Variants in SLC25A37 observed in about 807,000 individuals in gnomAD.
SLC25A37 encodes mitoferrin-1.
A neutral mutation model predicts 31.0 loss-of-function variants in SLC25A37; 17 were observed. The observed-to-expected ratio is 0.55, with a 90% confidence interval of 0.38 to 0.82. The LOEUF is 0.82. Among genes scored for constraint, SLC25A37 ranks in the 40% least tolerant of loss-of-function variants. The probability of loss-of-function intolerance (pLI) is 0.00; values close to 1 mark genes in which losing one functional copy is unlikely to be tolerated. For synonymous variants in SLC25A37, 222 were observed against 193.0 expected, an observed-to-expected ratio of 1.15 and a Z score of -1.24; for missense variants, 404 against 465.8, an observed-to-expected ratio of 0.87 and a Z score of 1.22.
rs1801625133 is a variant in SLC25A37 at position 23,529,665 on chromosome 8, G to A, written c.210+453G>A. ...CCTCACCACGCTGGAGCTGAGAAAC[G>A]TGTGGCCCTGGCCCGGCCGCGCGCC... On this transcript the variant is annotated intron_variant, in intron 1 of 3. Coordinates refer to ENST00000519973, the MANE Select transcript of SLC25A37 (RefSeq NM_016612.4). This position sits in a 1 kb window ranked among gnomAD's most constrained non-coding sequence, Gnocchi z 4.1. 6.6e-6 allele frequency among the ~76,000 whole-genome samples: 1 copy of A among 152,214 alleles called. No homozygotes were observed. Among genetic ancestry groups the A allele is most frequent in the Admixed American group, 6.5e-5 (1 of 15,290 alleles).
chr8:23,551,694 C>G (rs1802229910), intron 1 of SLC25A37, among the ~76,000 whole-genome samples: 1 of 152,002 alleles, frequency 6.6e-6, no homozygotes, highest in African/African-American at 2.4e-5. Flanking sequence ...CCATTAGGAG[C>G]CCCACTTACA....
intron 3 of SLC25A37, among the ~76,000 whole-genome samples, chr8:23,569,508 T>C (rs1802764982): frequency 6.6e-6 from 1 of 152,202 alleles, no homozygotes; most frequent in African/African-American, 2.4e-5. Flanking sequence ...TCTTTAGGGC[T>C]AGTGTTCAAT....
chr8:23,533,716 C>T (rs557081165), intron 1 of SLC25A37, among the ~76,000 whole-genome samples: 21 of 152,322 alleles, frequency 1.4e-4, no homozygotes, highest in Admixed American at 1.0e-3. Context: ...TAGTACGGAA[C>T]CTTTTCTTGT....
intron 1 of SLC25A37, among the ~76,000 whole-genome samples, chr8:23,540,672 C>T (rs537338001): frequency 1.6e-4 from 24 of 152,150 alleles, no homozygotes; most frequent in Non-Finnish European, 2.8e-4. Flanking sequence ...GTTTTGAATT[C>T]GGACTAGTCG....
chr8:23,535,613 T>C (rs1209801834), intron 1 of SLC25A37, among the ~76,000 whole-genome samples: 1 of 152,182 alleles, frequency 6.6e-6, no homozygotes, highest in Non-Finnish European at 1.5e-5. Context: ...AAAGTGGGGA[T>C]ATGAATACTG....
chr8:23,543,482 A>G (rs1801953512), intron 1 of SLC25A37, among the ~76,000 whole-genome samples: 1 of 152,166 alleles, frequency 6.6e-6, no homozygotes. Flanking sequence ...AGGCCTTCAC[A>G]TTTACTCACC....
intron 1 of SLC25A37, among the ~76,000 whole-genome samples, chr8:23,551,833 C>T (rs186595156): frequency 2.0e-5 from 3 of 152,190 alleles, no homozygotes; most frequent in South Asian, 2.1e-4. Flanking sequence ...AGGTCCTGGG[C>T]CTATATATTC....
intron 2 of SLC25A37, chr8:23,566,603 G>T: frequency 3.4e-6 from 4 of 1,174,516 alleles, no homozygotes; most frequent in South Asian, 2.9e-5. Context: ...TTGTTATGTG[G>T]GTTTTCTTTT....
At position 23,529,346 on chromosome 8, in the gene SLC25A37, T is replaced by A; in HGVS notation, c.210+134T>A. ...TCCCCAGGACCGCGGCTGGCCGGGG[T>A]CGCCCCAGGAGCAGCTGCGCGCAGC... On this transcript the variant is annotated intron_variant, in intron 1 of 3. Transcript: ENST00000519973. This position sits in a 1 kb window ranked among gnomAD's most constrained non-coding sequence, Gnocchi z 4.1. 2.5e-6 allele frequency: 2 copies of A among 812,524 alleles called. No individual in the cohort carries two copies. The highest frequency in any genetic ancestry group is 2.3e-5 in the South Asian group (1 of 44,442). The allele number at this position is 812,524 out of a possible 1,614,324, so 50.3% of individuals were successfully genotyped here. A position where few individuals can be genotyped will look rare whatever the true frequency, so the allele number is the denominator to read the frequency against.
At chr8:23,534,285 A>C (rs1328006854) in intron 1 of SLC25A37, among the ~76,000 whole-genome samples, 1 of 152,090 alleles carries the variant, frequency 6.6e-6, no homozygotes, top group East Asian at 1.9e-4. Context: ...AACCTTCCCT[A>C]AAGTTCCCTC....
At chr8:23,552,471 G>A (rs1476306395) in intron 1 of SLC25A37, among the ~76,000 whole-genome samples, 1 of 152,168 alleles carries the variant, frequency 6.6e-6, no homozygotes, top group Non-Finnish European at 1.5e-5. Flanking sequence ...TGGCTGGCGT[G>A]GGGTAGAAGC....
intron 1 of SLC25A37, among the ~76,000 whole-genome samples, chr8:23,554,630 A>G (rs988000127): frequency 8.5e-5 from 13 of 152,156 alleles, no homozygotes; most frequent in African/African-American, 3.1e-4. Context: ...AGGCTTTTCT[A>G]GAGAAGGGGT....
Position 23,554,924 on chromosome 8 carries a change from TG to T in SLC25A37, c.211-11183del, listed in dbSNP as rs1296143609. ...CTTTTCATAGCTCCCATCATATTGC[TG>T]TTGGGTGCGATTCATAGCCATGGAA... is the stretch of plus-strand genomic sequence containing the variant. On this transcript the variant is annotated intron_variant, in intron 1 of 3. Coordinates refer to ENST00000519973, the MANE Select transcript of SLC25A37 (RefSeq NM_016612.4). 2.6e-5 allele frequency among the ~76,000 whole-genome samples: 4 copies of T among 152,326 alleles called. No individual in the cohort carries two copies. In the East Asian group the frequency reaches 7.7e-4, roughly 29 times the overall value.
In SLC25A37 at chr8:23,529,048, A is replaced by C. The variant is rs761026684; in HGVS notation, c.46A>C (p.Arg16=). Residue 16 remains arginine (R), a synonymous_variant, in exon 1 of 4, where the codon AGG becomes CGG. Transcript: ENST00000519973. This position sits in a 1 kb window ranked among gnomAD's most constrained non-coding sequence, Gnocchi z 4.1. ...GSVGSQAVAR[R]MDGDSRDGGG... ...CGTGGGCAGCCAGGCGGTGGCGCGGAGGATGGATGGGGACAGCCGAGATGG... is the reference window on the plus strand; with the variant it reads ...CGTGGGCAGCCAGGCGGTGGCGCGGCGGATGGATGGGGACAGCCGAGATGG... 9.5e-6 allele frequency: 15 copies of C among 1,572,730 alleles called. No homozygotes were observed. Among genetic ancestry groups the C allele is most frequent in the South Asian group, 5.8e-5 (5 of 86,014 alleles).
intron 1 of SLC25A37, among the ~76,000 whole-genome samples, chr8:23,548,218 C>T (rs554735301): frequency 6.6e-6 from 1 of 152,274 alleles, no homozygotes; most frequent in African/African-American, 2.4e-5. Flanking sequence ...CTGTCTCTGT[C>T]ACCAGGCTGG....
At chr8:23,570,421 T>A (rs1181581721) in intron 3 of SLC25A37, among the ~76,000 whole-genome samples, 1 of 101,778 alleles carries the variant, frequency 9.8e-6, no homozygotes, top group Non-Finnish European at 2.4e-5. Context: ...GGGGGTGGGG[T>A]GGGGTGGAGA....
intron 1 of SLC25A37, among the ~76,000 whole-genome samples, chr8:23,552,257 A>G (rs1399551934): frequency 6.6e-6 from 1 of 152,228 alleles, no homozygotes; most frequent in African/African-American, 2.4e-5. Flanking sequence ...ATAAACATTT[A>G]TTGAGTACCT....
At position 23,572,777 on chromosome 8, in the gene SLC25A37, G is replaced by T. The variant is rs1320493855; in HGVS notation, c.*922G>T. ...GGTGGCAGGATCTCGCCCGCTGGAG[G>T]GTGGTGGAGCCCAGTAGAATTGGGG... On this transcript the variant is annotated 3_prime_UTR_variant, in exon 4 of 4. Coordinates refer to ENST00000519973, the MANE Select transcript of SLC25A37 (RefSeq NM_016612.4). 3 of 152,152 alleles carry T rather than the reference G, an allele frequency of 2.0e-5. No individual in the cohort carries two copies. Among genetic ancestry groups the T allele is most frequent in the East Asian group, 1.9e-4 (1 of 5,180 alleles). The allele number at this position is 152,152 out of a possible 1,614,324, so 9.4% of individuals were successfully genotyped here. A position where few individuals can be genotyped will look rare whatever the true frequency, so the allele number is the denominator to read the frequency against.
chr8:23,547,031 G>C (rs894333424), intron 1 of SLC25A37, among the ~76,000 whole-genome samples: 8 of 152,080 alleles, frequency 5.3e-5, no homozygotes, highest in Non-Finnish European at 1.2e-4. Context: ...AAGAACTCTT[G>C]TTTTCAAATT....
Sources: gnomAD v4.1 joint callset for allele counts (sites outside exome capture counted in the v4.1 genomes callset) on GRCh38, gnomAD v4.1.1 for gene constraint, Gnocchi (gnomAD v3.1) non-coding constraint, MANE v1.5 for transcripts, NCBI Gene and HGNC (gene_info 2026-07-23, HGNC 2026-07-21) for gene names.